The following SMURF1 variants were observed in gnomAD, a reference collection of about 807,000 sequenced individuals.
The protein encoded by SMURF1 is SMAD specific E3 ubiquitin protein ligase 1, also known as E3 ubiquitin-protein ligase SMURF1.
In SMURF1, 44 loss-of-function variants were observed where a neutral mutation model predicts 98.0. The observed-to-expected ratio is 0.45, with a 90% CI of 0.35 to 0.58. The LOEUF (loss-of-function observed/expected upper bound fraction) is 0.58. Among genes scored for constraint, SMURF1 ranks in the 20% least tolerant of loss-of-function variants. The pLI is 0.00. For missense variants in SMURF1, 687 were observed against 938.4 expected (o/e 0.73, Z 3.50); for synonymous variants, 396 against 374.9 (o/e 1.06, Z -0.65).
At chr7:99,117,019 T>C (rs186922020) in intron 1 of SMURF1, among the ~76,000 whole-genome samples, 11 of 152,220 alleles carry the variant, frequency 7.2e-5, no homozygotes, top group South Asian at 4.1e-4. Flanking sequence ...CAGGATACAA[T>C]TGAGAGTCCA....
At position 99,097,807 on chromosome 7, in the gene SMURF1, G is replaced by C. The variant is rs191596520; in HGVS notation, c.56-35970C>G. Reference sequence around the variant, plus strand: ...TTACTTCACAGTGAAACTGCAGAAAGTGAAATACAAAGATAAAAATATTGA... The same window carrying C: ...TTACTTCACAGTGAAACTGCAGAAACTGAAATACAAAGATAAAAATATTGA... On this transcript the variant is annotated intron_variant, in intron 1 of 17. Coordinates refer to ENST00000361368, the MANE Select transcript of SMURF1 (RefSeq NM_181349.3). Among the ~76,000 whole-genome samples, 13 of 152,322 alleles carry C rather than the reference G, an allele frequency of 8.5e-5. No individual in the cohort carries two copies. In the South Asian group the frequency reaches 1.7e-3, roughly 19 times the overall value.
At chr7:99,079,432 G>A (rs761048508) in intron 1 of SMURF1, among the ~76,000 whole-genome samples, 1 of 152,204 alleles carries the variant, frequency 6.6e-6, no homozygotes, top group Non-Finnish European at 1.5e-5. Context: ...AATCCCAGCT[G>A]CAAGAATGAA....
At chr7:99,141,981 GGAGCA>G (rs1329846307) in intron 1 of SMURF1, among the ~76,000 whole-genome samples, 1 of 152,166 alleles carries the variant, frequency 6.6e-6, no homozygotes, top group African/African-American at 2.4e-5. Context: ...GGAAAGTCCC[GGAGCA>G]GAGCCGCATT....
intron 1 of SMURF1, among the ~76,000 whole-genome samples, chr7:99,118,890 T>A (rs575221240): frequency 2.0e-5 from 3 of 152,044 alleles, no homozygotes; most frequent in Admixed American, 1.3e-4. Context: ...TTAGACAGGG[T>A]CTTGCCCTGT....
At position 99,058,609 on chromosome 7, in the gene SMURF1, A is replaced by G. The variant is rs1446783692; in HGVS notation, c.204-1058T>C. 2.6e-5 allele frequency among the ~76,000 whole-genome samples: 4 copies of G among 152,298 alleles called. No individual in the cohort carries two copies. In the East Asian group the frequency reaches 7.7e-4, roughly 29 times the overall value. On this transcript the variant is annotated intron_variant, in intron 3 of 17. Coordinates refer to ENST00000361368, the MANE Select transcript of SMURF1 (RefSeq NM_181349.3). Reference sequence around the variant, plus strand: ...CTCCATTTACTGTCACTGCAAGTCAACGGAGAGAGGAACTCAACCCACTTA... The same window carrying G: ...CTCCATTTACTGTCACTGCAAGTCAGCGGAGAGAGGAACTCAACCCACTTA...
chr7:99,041,358 T>C (rs917382477), intron 12 of SMURF1, among the ~76,000 whole-genome samples: 3 of 152,060 alleles, frequency 2.0e-5, no homozygotes, highest in South Asian at 2.1e-4. Flanking sequence ...GCAGAGATCA[T>C]GCCACTGCAC....
At position 99,057,460 on chromosome 7, in the gene SMURF1, G is replaced by A. The variant is rs774039338; in HGVS notation, c.295C>T (p.Arg99Trp). 7.5e-6 allele frequency: 12 copies of A among 1,603,736 alleles called. No homozygotes were observed. The highest frequency in any genetic ancestry group is 2.3e-5 in the South Asian group (2 of 88,416). The change falls in exon 4 of 18, where the codon CGG (arginine) becomes TGG (tryptophan). Residue 99 changes from arginine to tryptophan, a missense_variant. Transcript: ENST00000361368. ...KQGAGFLGCV[R>W]LLSNAISRLK... ...CTGCTGATGGCATTGGAGAGCAGCCGCACACAGCCCAGGAAGCCAGCTCCC... is the reference window on the plus strand; with the variant it reads ...CTGCTGATGGCATTGGAGAGCAGCCACACACAGCCCAGGAAGCCAGCTCCC...
At chr7:99,117,350 G>GT (rs1797481968) in intron 1 of SMURF1, among the ~76,000 whole-genome samples, 2 of 152,028 alleles carry the variant, frequency 1.3e-5, no homozygotes, top group South Asian at 4.1e-4. Context: ...GCTTTTTTTG[G>GT]TTTTGTTTTT....
chr7:99,068,320 C>T (rs1459128740), intron 1 of SMURF1, among the ~76,000 whole-genome samples: 5 of 152,234 alleles, frequency 3.3e-5, no homozygotes, highest in Non-Finnish European at 7.3e-5. Context: ...GAGGTAAGAT[C>T]TCACTCTCTG....
intron 7 of SMURF1, 70 bp downstream of exon 7, chr7:99,052,132 CAAA>C (rs371032343): frequency 9.9e-4 from 1,294 of 1,306,644 alleles, no homozygotes; most frequent in South Asian, 3.3e-3. Context: ...GACCTTGTCT[CAAA>C]AAAAAAAAAA....
intron 1 of SMURF1, among the ~76,000 whole-genome samples, chr7:99,126,395 C>T (rs1285834547): frequency 7.3e-5 from 11 of 149,944 alleles, no homozygotes; most frequent in Non-Finnish European, 8.9e-5. Flanking sequence ...CAGTGGTTCA[C>T]GCCTGTAATC....
At chr7:99,142,541 T>C (rs12537900) in intron 1 of SMURF1, among the ~76,000 whole-genome samples, 147,065 of 147,086 alleles carry the variant, frequency 1, 73,522 homozygotes, top group Middle Eastern at 1. Flanking sequence ...GGTGGAGGCC[T>C]CGCCAGACAG....
Position 99,100,273 on chromosome 7 carries a change from G to A in SMURF1, c.56-38436C>T, listed in dbSNP as rs759769114. Among the ~76,000 whole-genome samples, 8 of 152,206 alleles carry A rather than the reference G, an allele frequency of 5.3e-5. 1 individual carries two copies. Among genetic ancestry groups the A allele is most frequent in the African/African-American group, 1.2e-4 (5 of 41,436 alleles). ...AATTTCAATTTAAAAACGCCATTCC[G>A]GCCCTGCCCAATGGCTCACGCCTGT... is the stretch of plus-strand genomic sequence containing the variant. On this transcript the variant is annotated intron_variant, in intron 1 of 17. Transcript: ENST00000361368.
intron 1 of SMURF1, among the ~76,000 whole-genome samples, chr7:99,087,633 A>G (rs1248333947): frequency 6.6e-6 from 1 of 152,222 alleles, no homozygotes; most frequent in Non-Finnish European, 1.5e-5. Flanking sequence ...TAGATAGACA[A>G]AAATGCATCA....
intron 5 of SMURF1, among the ~76,000 whole-genome samples, chr7:99,056,201 C>G (rs1228068519): frequency 6.6e-6 from 1 of 152,036 alleles, no homozygotes; most frequent in Non-Finnish European, 1.5e-5. Flanking sequence ...CTGCACTATT[C>G]ATTTATCTTG....
chr7:99,131,412 C>T (rs1279791230), intron 1 of SMURF1, among the ~76,000 whole-genome samples: 2 of 151,998 alleles, frequency 1.3e-5, no homozygotes, highest in African/African-American at 4.8e-5. Flanking sequence ...GATGCAACCA[C>T]CAAGACTACA....
intron 2 of SMURF1, 119 bp from the exon 3 acceptor site, chr7:99,060,826 C>T: frequency 1.7e-6 from 1 of 601,372 alleles, no homozygotes; most frequent in Non-Finnish European, 2.8e-6. Flanking sequence ...TAAGTTATGT[C>T]TATTGAGCTT....
chr7:99,058,322 G>A (rs969672784), intron 3 of SMURF1, among the ~76,000 whole-genome samples: 5 of 151,798 alleles, frequency 3.3e-5, no homozygotes, highest in African/African-American at 1.2e-4. Context: ...TAGAGACGGG[G>A]TTTCACCATG....
chr7:99,090,179 C>T (rs1796777642), intron 1 of SMURF1, among the ~76,000 whole-genome samples: 2 of 152,214 alleles, frequency 1.3e-5, no homozygotes, highest in South Asian at 4.1e-4. Flanking sequence ...AACACTGCAA[C>T]TAGCGTTTGT....
Sources: allele counts gnomAD v4.1 joint callset (sites outside exome capture counted in the v4.1 genomes callset), GRCh38; gene constraint gnomAD v4.1.1; transcripts MANE v1.5; gene names NCBI Gene and HGNC (gene_info 2026-07-23, HGNC 2026-07-21).